Variants in HTR5A observed in about 807,000 individuals in gnomAD.
HTR5A encodes the protein 5-hydroxytryptamine receptor 5A.
HTR5A carries 21 observed loss-of-function variants against 24.3 expected under a neutral mutation model. That is an observed-to-expected ratio of 0.86 (90% CI 0.61 to 1.24). The LOEUF is 1.24. Ranked by LOEUF, HTR5A falls within the 50% of genes most tolerant of loss-of-function variation. The pLI is 0.00. For synonymous variants in HTR5A, 260 were observed against 213.7 expected, an observed-to-expected ratio of 1.22 and a Z score of -1.89; for missense variants, 497 against 489.5, an observed-to-expected ratio of 1.02 and a Z score of -0.15.
At chr7:155,078,785 G>C (rs1585121916) in intron 1 of HTR5A, among the ~76,000 whole-genome samples, 1 of 110,058 alleles carries the variant, frequency 9.1e-6, no homozygotes, top group East Asian at 3.1e-4. Context: ...TATCTAAGAG[G>C]ATTTTAGTTA....
At chr7:155,081,032 C>T (rs114302163) in intron 1 of HTR5A, among the ~76,000 whole-genome samples, 2,033 of 152,264 alleles carry the variant, frequency 0.013, 40 homozygotes, top group African/African-American at 0.041. Flanking sequence ...ACAAGAAAAA[C>T]GTCTGCTTGT....
In HTR5A at chr7:155,070,349, C is replaced by G. The variant is rs1418209038; in HGVS notation, c.-551C>G. ...AGCATTCGCTCTCCGGAGCTGCAGCCTCCGAAGGGGTGGCGGGGGCAACAG... is the reference window on the plus strand; with the variant it reads ...AGCATTCGCTCTCCGGAGCTGCAGCGTCCGAAGGGGTGGCGGGGGCAACAG... On this transcript the variant is annotated 5_prime_UTR_variant, in exon 1 of 2. Transcript: ENST00000287907. 4.4e-6 allele frequency: 2 copies of G among 454,126 alleles called. No homozygotes were observed. Among genetic ancestry groups the G allele is most frequent in the Non-Finnish European group, 8.8e-6 (2 of 226,082 alleles). 28.1% of individuals were successfully genotyped at this position (454,126 alleles called of 1,614,324 possible). A position where few individuals can be genotyped will look rare whatever the true frequency, so the allele number is the denominator to read the frequency against.
At chr7:155,076,501 A>G (rs1243438751) in intron 1 of HTR5A, among the ~76,000 whole-genome samples, 1 of 152,184 alleles carries the variant, frequency 6.6e-6, no homozygotes, top group Non-Finnish European at 1.5e-5. Flanking sequence ...TGGACTACTT[A>G]TTATATATCA....
intron 1 of HTR5A, among the ~76,000 whole-genome samples, chr7:155,073,350 G>C (rs981197934): frequency 7.0e-6 from 1 of 143,168 alleles, no homozygotes; most frequent in East Asian, 2.1e-4. Context: ...ATTGAGGATG[G>C]GGTGTTAATG....
chr7:155,079,974 G>T (rs565792922), intron 1 of HTR5A, among the ~76,000 whole-genome samples: 6 of 152,292 alleles, frequency 3.9e-5, no homozygotes, highest in Non-Finnish European at 7.4e-5. Context: ...TTCATAAATT[G>T]GTCACTGGCC....
intron 1 of HTR5A, among the ~76,000 whole-genome samples, chr7:155,073,434 T>C (rs936985310): frequency 6.6e-6 from 1 of 152,044 alleles, no homozygotes; most frequent in African/African-American, 2.4e-5. Flanking sequence ...AACAGAGAAT[T>C]GTTCAGACCA....
rs756856532 is a variant in HTR5A at position 155,084,461 on chromosome 7, A to C, written c.1048A>C (p.Lys350Gln). Residue 350 changes from lysine to glutamine, a missense_variant, in exon 2 of 2, where the codon AAG (lysine) becomes CAG (glutamine). By Grantham distance (53) the Lys-to-Gln change is moderately conservative. Coordinates refer to ENST00000287907, the MANE Select transcript of HTR5A (RefSeq NM_024012.4). ...CAACAAGAACTACAACAGCGCCTTC[A>C]AGAACTTCTTTTCTAGGCAACACTG... The part of the protein sequence containing the change: ...AFNKNYNSAF[K>Q]NFFSRQH 4.3e-6 allele frequency: 7 copies of C among 1,612,946 alleles called. No individual in the cohort carries two copies. In the Admixed American group the frequency reaches 1.2e-4, roughly 27 times the overall value.
At chr7:155,080,150 A>T (rs1795400584) in intron 1 of HTR5A, among the ~76,000 whole-genome samples, 1 of 152,228 alleles carries the variant, frequency 6.6e-6, no homozygotes, top group Non-Finnish European at 1.5e-5. Flanking sequence ...TAGACAACAC[A>T]CAAGCAAGGC....
At chr7:155,076,611 C>A (rs1795361884) in intron 1 of HTR5A, among the ~76,000 whole-genome samples, 1 of 152,172 alleles carries the variant, frequency 6.6e-6, no homozygotes, top group South Asian at 2.1e-4. Flanking sequence ...GGAGCCAGGA[C>A]ACTTTAATTA....
chr7:155,083,402 C>A (rs1435013036), intron 1 of HTR5A, among the ~76,000 whole-genome samples: 1 of 152,180 alleles, frequency 6.6e-6, no homozygotes, highest in Non-Finnish European at 1.5e-5. Context: ...AGTAGACACT[C>A]ATTATATCAG....
chr7:155,070,983 C>A lies in HTR5A; in HGVS notation c.84C>A (p.Asp28Glu). Residue 28 changes from aspartate to glutamate, a missense_variant, in exon 1 of 2, where the codon GAC becomes GAA. By Grantham distance (45) the Asp-to-Glu change is conservative. Transcript: ENST00000287907. ...CCAACCACAGCCTCGGCAAAGACGACCTGCGCCCCAGCTCGCCCCTGCTCT... is the reference window on the plus strand; with the variant it reads ...CCAACCACAGCCTCGGCAAAGACGAACTGCGCCCCAGCTCGCCCCTGCTCT... Reference protein sequence around the residue: ...LETNHSLGKDDLRPSSPLLSV... With the variant: ...LETNHSLGKDELRPSSPLLSV... 1 of 1,611,778 alleles carries A rather than the reference C, an allele frequency of 6.2e-7. No individual in the cohort carries two copies.
At chr7:155,083,884 GTT>G (rs1312434730) in intron 1 of HTR5A, among the ~76,000 whole-genome samples, 18 of 152,150 alleles carry the variant, frequency 1.2e-4, no homozygotes, top group Non-Finnish European at 2.2e-4. Flanking sequence ...CACTGCCTCT[GTT>G]GAACAGACAG....
rs118170779 is a variant in HTR5A, at chr7:155,081,243, G to C, written c.742-2912G>C. Among the ~76,000 whole-genome samples, 810 of 152,280 alleles carry C rather than the reference G, an allele frequency of 5.3e-3. 2 individuals are homozygous for C. The highest frequency in any genetic ancestry group is 9.3e-3 in the Non-Finnish European group (632 of 68,030). On this transcript the variant is annotated intron_variant, in intron 1 of 1. Coordinates refer to ENST00000287907, the MANE Select transcript of HTR5A (RefSeq NM_024012.4). ...ACCTGAAACCACACTTCCAAGGTAA[G>C]AGTCTATACCTTAACTTCAATACCC...
intron 1 of HTR5A, among the ~76,000 whole-genome samples, chr7:155,076,943 T>C (rs567388701): frequency 3.3e-5 from 5 of 152,242 alleles, no homozygotes; most frequent in Non-Finnish European, 5.9e-5. Context: ...ACAGGTGCTA[T>C]GCTGTCACCT....
chr7:155,070,938 C>T lies in HTR5A; in HGVS notation c.39C>T (p.Ser13=). The T allele has an allele frequency of 1.2e-6, 2 of 1,607,886 alleles. No individual in the cohort carries two copies. Among genetic ancestry groups the T allele is most frequent in the Non-Finnish European group, 1.7e-6 (2 of 1,179,940 alleles). Residue 13 remains serine (S), a synonymous_variant, in exon 1 of 2, where the codon TCC becomes TCT. Coordinates refer to ENST00000287907, the MANE Select transcript of HTR5A (RefSeq NM_024012.4). ...TGAACCTAACCTCCTTTTCCCTCTC[C>T]ACCCCCTCCCCTTTGGAGACCAACC... The part of the protein sequence containing the change: ...LPVNLTSFSL[S]TPSPLETNHS...
chr7:155,073,751 G>A (rs1795324509), intron 1 of HTR5A, among the ~76,000 whole-genome samples: 1 of 151,334 alleles, frequency 6.6e-6, no homozygotes, highest in African/African-American at 2.4e-5. Context: ...CCTGTAAAAG[G>A]ATGAAGGGCA....
In HTR5A at chr7:155,083,565, G is replaced by A. The variant is rs145997880; in HGVS notation, c.742-590G>A. Among the ~76,000 whole-genome samples the A allele has an allele frequency of 8.1e-3, 1,234 of 152,326 alleles. 4 individuals carry two copies. The highest frequency in any genetic ancestry group is 0.012 in the Non-Finnish European group (850 of 68,028). ...GGGGGCACCCCACAGGAGACTAAAAGACTAGGGTCTCAGTTTTACATAAAT... is the reference window on the plus strand; with the variant it reads ...GGGGGCACCCCACAGGAGACTAAAAAACTAGGGTCTCAGTTTTACATAAAT... On this transcript the variant is annotated intron_variant, in intron 1 of 1. Transcript: ENST00000287907.
At position 155,084,751 on chromosome 7, in the gene HTR5A, T is replaced by A. The variant is rs1376421961; in HGVS notation, c.*264T>A. On this transcript the variant is annotated 3_prime_UTR_variant, in exon 2 of 2. Coordinates refer to ENST00000287907, the MANE Select transcript of HTR5A (RefSeq NM_024012.4). Reference sequence around the variant, plus strand: ...AGTCATGGTCTTTGCCCGCAAAGTGTCCTTTCCTCCCCAAATTCACTCTGG... The same window carrying A: ...AGTCATGGTCTTTGCCCGCAAAGTGACCTTTCCTCCCCAAATTCACTCTGG... 9.7e-6 allele frequency: 4 copies of A among 413,644 alleles called. No individual in the cohort carries two copies. Among genetic ancestry groups the A allele is most frequent in the Non-Finnish European group, 8.5e-6 (2 of 234,136 alleles). 25.6% of individuals were successfully genotyped at this position (413,644 alleles called of 1,614,324 possible).
intron 1 of HTR5A, 64 bp downstream of exon 1, chr7:155,071,704 C>T: frequency 6.6e-7 from 1 of 1,510,448 alleles, no homozygotes; most frequent in East Asian, 2.3e-5. Flanking sequence ...ATCCCCAGGC[C>T]ACCTGCCCCA....
Sources: gnomAD v4.1 joint callset for allele counts (sites outside exome capture counted in the v4.1 genomes callset) on GRCh38, gnomAD v4.1.1 for gene constraint, MANE v1.5 for transcripts, NCBI Gene and HGNC (gene_info 2026-07-23, HGNC 2026-07-21) for gene names.